Variants in APOLD1 observed in about 807,000 individuals in gnomAD.
The protein encoded by APOLD1 is apolipoprotein L domain containing 1.
Under a neutral mutation model 15.3 loss-of-function variants are expected in APOLD1, and 22 were observed. That is an observed-to-expected ratio of 1.44 (90% CI 1.03 to 2.05). APOLD1 has a LOEUF of 2.05. Ranked by LOEUF, APOLD1 falls within the 30% of genes most tolerant of loss-of-function variation. APOLD1 has a pLI of 0.00. For synonymous variants in APOLD1, 190 were observed against 167.4 expected (o/e 1.13, Z -1.04); for missense variants, 394 against 353.5 (o/e 1.11, Z -0.92).
intron 1 of APOLD1, among the ~76,000 whole-genome samples, chr12:12,743,475 C>T (rs1946742702): frequency 6.6e-6 from 1 of 152,078 alleles, no homozygotes; most frequent in African/African-American, 2.4e-5. Context: ...AAAGCAAAAG[C>T]AGAGGGCCTT....
Position 12,749,445 on chromosome 12 carries a change from C to T in APOLD1, c.96+23349C>T, listed in dbSNP as rs565600565. ...AGGCTACTCCCTTTGCAAACCCCCA[C>T]CTTTTCTGCCCAGCAGATGGGCAAT... On this transcript the variant is annotated intron_variant, in intron 1 of 1. Coordinates refer to the APOLD1 transcript ENST00000326765. Among the ~76,000 whole-genome samples the T allele has an allele frequency of 3.3e-5, 5 of 151,764 alleles. No homozygotes were observed. In the South Asian group the frequency reaches 1.0e-3, roughly 32 times the overall value.
intron 1 of APOLD1, among the ~76,000 whole-genome samples, chr12:12,732,242 A>C (rs1946645885): frequency 6.6e-6 from 1 of 152,186 alleles, no homozygotes; most frequent in African/African-American, 2.4e-5. Flanking sequence ...GTTACAGCTA[A>C]CCGTTTGGAG....
In APOLD1 at chr12:12,791,162, T is replaced by G. The variant is rs1947184028; in HGVS notation, c.*3510T>G. Reference sequence around the variant, plus strand: ...GCAAGCATTCGAATCCTAACTGCTTTGATGCACTTGCCCTCGGGCACCTGT... The same window carrying G: ...GCAAGCATTCGAATCCTAACTGCTTGGATGCACTTGCCCTCGGGCACCTGT... On this transcript the variant is annotated 3_prime_UTR_variant, in exon 2 of 2. Coordinates refer to ENST00000356591, the MANE Select transcript of APOLD1 (RefSeq NM_030817.3). 6.6e-6 allele frequency: 1 copy of G among 152,196 alleles called. No homozygotes were observed. Among genetic ancestry groups the G allele is most frequent in the African/African-American group, 2.4e-5 (1 of 41,450 alleles). 9.4% of individuals were successfully genotyped at this position (152,196 alleles called of 1,614,324 possible). A position where few individuals can be genotyped will look rare whatever the true frequency, so the allele number is the denominator to read the frequency against.
intron 1 of APOLD1, among the ~76,000 whole-genome samples, chr12:12,746,519 A>G (rs946756595): frequency 1.3e-5 from 2 of 151,738 alleles, no homozygotes; most frequent in Non-Finnish European, 2.9e-5. Context: ...AAATAAATAC[A>G]TAAATACATA....
At chr12:12,746,510 A>AATAAATAAATAAATAATAC (rs57489224) in intron 1 of APOLD1, among the ~76,000 whole-genome samples, 7 of 149,952 alleles carry the variant, frequency 4.7e-5, no homozygotes, top group African/African-American at 1.7e-4. Context: ...TAAATAAATA[A>AATAAATAAATAAATAATAC]ATAAATACAT....
chr12:12,787,176 G>C lies in APOLD1; in HGVS notation c.271G>C (p.Gly91Arg), dbSNP rs1947136899. 1 of 1,531,468 alleles carries C rather than the reference G, an allele frequency of 6.5e-7. No homozygotes were observed. The highest frequency in any genetic ancestry group is 1.4e-5 in the African/African-American group (1 of 72,772). 94.9% of individuals were successfully genotyped at this position (1,531,468 alleles called of 1,614,324 possible). A position where few individuals can be genotyped will look rare whatever the true frequency, so the allele number is the denominator to read the frequency against. ...GACCTCGCTGCTGGTGTCGGCCGTG[G>C]GGCTGGGGGTGGCCACAGCCGGAGG... Reference protein sequence around the residue: ...LGTSLLVSAVGLGVATAGGAV... With the variant: ...LGTSLLVSAVRLGVATAGGAV... Residue 91 changes from glycine to arginine, a missense_variant, in exon 2 of 2, where the codon GGG becomes CGG. Physicochemically the swap from Gly to Arg is moderately radical, Grantham distance 125 (BLOSUM62 -2). Coordinates refer to ENST00000356591, the MANE Select transcript of APOLD1 (RefSeq NM_030817.3). The surrounding 1 kb of genome is among the most constrained non-coding windows in gnomAD (Gnocchi z 4.9).
upstream of APOLD1, among the ~76,000 whole-genome samples, chr12:12,781,526 CT>C (rs774609531): frequency 0.11 from 15,107 of 138,582 alleles, 632 homozygotes; most frequent in East Asian, 0.23. Flanking sequence ...ATCACTTTAT[CT>C]TTTTTTTTTT....
intron 1 of APOLD1, among the ~76,000 whole-genome samples, chr12:12,738,636 T>C (rs1268751273): frequency 1.3e-5 from 2 of 152,210 alleles, no homozygotes; most frequent in Non-Finnish European, 2.9e-5. Context: ...GAATGATAAA[T>C]TTCCCTACTT....
At chr12:12,733,452 G>A (rs1946659241) in intron 1 of APOLD1, among the ~76,000 whole-genome samples, 1 of 152,074 alleles carries the variant, frequency 6.6e-6, no homozygotes, top group Non-Finnish European at 1.5e-5. Context: ...ATGTATATAG[G>A]CATACAATTG....
chr12:12,787,607 C>T lies in APOLD1; in HGVS notation c.702C>T (p.His234=), dbSNP rs141728331. The T allele has an allele frequency of 1.2e-6, 2 of 1,609,978 alleles. No individual in the cohort carries two copies. The highest frequency in any genetic ancestry group is 2.7e-5 in the African/African-American group (2 of 74,948). The change falls in exon 2 of 2, where the codon CAC becomes CAT. Residue 234 remains histidine (H), a synonymous_variant. Coordinates refer to ENST00000356591, the MANE Select transcript of APOLD1 (RefSeq NM_030817.3). This position sits in a 1 kb window ranked among gnomAD's most constrained non-coding sequence, Gnocchi z 4.9. ...TCTGCACCAAGTCCAGTCGTGGCCA[C>T]GACCTCAAGATCTCTGCTGACCAGC... is the stretch of plus-strand genomic sequence containing the variant. ...VQLCTKSSRG[H]DLKISADQRA... is the part of the protein sequence containing the mutation.
At chr12:12,731,247 A>G (rs1000421402) in intron 1 of APOLD1, among the ~76,000 whole-genome samples, 1 of 152,224 alleles carries the variant, frequency 6.6e-6, no homozygotes, top group African/African-American at 2.4e-5. Context: ...AACCTTGTCA[A>G]TATGTCTTAT....
At position 12,790,320 on chromosome 12, in the gene APOLD1, A is replaced by G. The variant is rs1170616870; in HGVS notation, c.*2668A>G. On this transcript the variant is annotated 3_prime_UTR_variant, in exon 2 of 2. Transcript: ENST00000356591. Reference sequence around the variant, plus strand: ...TCGCCTGGCCAGATGCTAGCATTTTAGATCAAACAATTCATTTTAGATGAA... The same window carrying G: ...TCGCCTGGCCAGATGCTAGCATTTTGGATCAAACAATTCATTTTAGATGAA... 6.6e-6 allele frequency: 1 copy of G among 152,196 alleles called. No individual in the cohort carries two copies. The highest frequency in any genetic ancestry group is 1.5e-5 in the Non-Finnish European group (1 of 68,030). 9.4% of individuals were successfully genotyped at this position (152,196 alleles called of 1,614,324 possible).
At chr12:12,746,271 G>A (rs566868769) in intron 1 of APOLD1, among the ~76,000 whole-genome samples, 105 of 152,370 alleles carry the variant, frequency 6.9e-4, no homozygotes, top group Middle Eastern at 6.8e-3. Flanking sequence ...CGAGGCGGGT[G>A]GGTCACCTGA....
rs1444857438 is a variant in APOLD1 at position 12,788,529 on chromosome 12, C to T, written c.*877C>T. Reference sequence around the variant, plus strand: ...TAAAACAAAGATGATAAAATCTCACCCTGTTGTGAGATATTAAATGAGCCA... The same window carrying T: ...TAAAACAAAGATGATAAAATCTCACTCTGTTGTGAGATATTAAATGAGCCA... On this transcript the variant is annotated 3_prime_UTR_variant, in exon 2 of 2. Transcript: ENST00000356591. The T allele has an allele frequency of 6.6e-6, 1 of 152,120 alleles. No homozygotes were observed. Among genetic ancestry groups the T allele is most frequent in the African/African-American group, 2.4e-5 (1 of 41,418 alleles). 9.4% of individuals were successfully genotyped at this position (152,120 alleles called of 1,614,324 possible). A position where few individuals can be genotyped will look rare whatever the true frequency, so the allele number is the denominator to read the frequency against.
intron 1 of APOLD1, among the ~76,000 whole-genome samples, chr12:12,760,639 CAA>C (rs201360693): frequency 9.1e-5 from 6 of 65,586 alleles, no homozygotes; most frequent in Admixed American, 1.8e-4. Flanking sequence ...AACTCTGTCT[CAA>C]AAAAAAAAAA....
chr12:12,783,614 C>T (rs1947101912), upstream of APOLD1, among the ~76,000 whole-genome samples: 1 of 148,856 alleles, frequency 6.7e-6, no homozygotes, highest in Admixed American at 6.8e-5. Flanking sequence ...CACCCGGCCC[C>T]AGTTGGTTTT....
chr12:12,765,831 C>G (rs1946939611), intron 1 of APOLD1, among the ~76,000 whole-genome samples: 1 of 152,208 alleles, frequency 6.6e-6, no homozygotes, highest in Admixed American at 6.5e-5. Flanking sequence ...GAGTGCACCA[C>G]TGTCGTCCAG....
At chr12:12,769,923 A>G (rs61678623) in intron 1 of APOLD1, among the ~76,000 whole-genome samples, 8,115 of 152,274 alleles carry the variant, frequency 0.053, 239 homozygotes, top group South Asian at 0.095. Context: ...TCCTATTTAC[A>G]GTAGTTTCTT....
At chr12:12,730,464 T>C (rs1390175897) in intron 1 of APOLD1, among the ~76,000 whole-genome samples, 1 of 150,486 alleles carries the variant, frequency 6.6e-6, no homozygotes, top group Non-Finnish European at 1.5e-5. Context: ...GCAGATCACT[T>C]GAGGTCAGGA....
Sources: allele counts gnomAD v4.1 joint callset (sites outside exome capture counted in the v4.1 genomes callset), GRCh38; gene constraint gnomAD v4.1.1; non-coding constraint Gnocchi (gnomAD v3.1); transcripts MANE v1.5; gene names NCBI Gene and HGNC (gene_info 2026-07-23, HGNC 2026-07-21).